RPTOR: variants seen among roughly 807,000 people sequenced by gnomAD.
RPTOR encodes the protein regulatory associated protein of MTOR complex 1.
A neutral mutation model predicts 169.9 loss-of-function variants in RPTOR; 21 were observed. The ratio of observed to expected loss-of-function variants is 0.12; its 90% CI spans 0.09 to 0.18. The LOEUF (loss-of-function observed/expected upper bound fraction) is 0.18. Ranked by LOEUF, RPTOR falls within the 10% of genes least tolerant of loss-of-function variation. The pLI is 1.00. For synonymous variants in RPTOR, 732 were observed against 753.2 expected, an observed-to-expected ratio of 0.97 and a Z score of 0.46; for missense variants, 1,133 against 1,855.9, an observed-to-expected ratio of 0.61 and a Z score of 7.16.
chr17:80,874,680 G>A (rs555126218), intron 13 of RPTOR, among the ~76,000 whole-genome samples: 4 of 152,000 alleles, frequency 2.6e-5, no homozygotes, highest in Non-Finnish European at 4.4e-5. Context: ...TCCCTGCTTC[G>A]GTATCATTTC....
intron 4 of RPTOR, among the ~76,000 whole-genome samples, chr17:80,712,528 C>G (rs1006694530): frequency 3.9e-5 from 6 of 152,208 alleles, no homozygotes; most frequent in African/African-American, 9.7e-5. Context: ...CTGAGCAATA[C>G]TCTACTGTGT....
intron 5 of RPTOR, among the ~76,000 whole-genome samples, chr17:80,732,652 A>G (rs1292162797): frequency 1.3e-5 from 2 of 152,256 alleles, no homozygotes; most frequent in South Asian, 2.1e-4. Context: ...ATTACAATGT[A>G]GATCAGTCTT....
At chr17:80,922,100 G>A (rs1227102085) in intron 21 of RPTOR, among the ~76,000 whole-genome samples, 1 of 152,240 alleles carries the variant, frequency 6.6e-6, no homozygotes, top group Non-Finnish European at 1.5e-5. Flanking sequence ...ACACGGGGGT[G>A]TAAACAGTGG....
chr17:80,743,374 A>C (rs2066504201), intron 5 of RPTOR: 1 of 985,404 alleles, frequency 1.0e-6, no homozygotes, highest in African/African-American at 1.7e-5. Flanking sequence ...GGAGGCCTGA[A>C]GGAGATGTCT....
Position 80,823,129 on chromosome 17 carries a change from C to A in RPTOR, c.1042C>A (p.Arg348=), listed in dbSNP as rs2143618098. ...RQDLLVASLF[R]NFLLAERIMR... ...GGACTTGCTGGTGGCTAGTCTGTTT[C>A]GAAATTTTTTATTGGCGGAAAGGAT... The change falls in exon 9 of 34, where the codon CGA becomes AGA. Residue 348 remains arginine, a synonymous_variant. Transcript: ENST00000306801. The surrounding 1 kb of genome is among the most constrained non-coding windows in gnomAD (Gnocchi z 4.5). 6.2e-7 allele frequency: 1 copy of A among 1,614,128 alleles called. No homozygotes were observed. Among genetic ancestry groups the A allele is most frequent in the Non-Finnish European group, 8.5e-7 (1 of 1,180,022 alleles).
At chr17:80,741,288 G>A (rs964332292) in intron 5 of RPTOR, among the ~76,000 whole-genome samples, 22 of 152,096 alleles carry the variant, frequency 1.4e-4, no homozygotes, top group Non-Finnish European at 1.2e-4. Context: ...GGGGCCTTCC[G>A]AGTGGAGGGT....
intron 7 of RPTOR, chr17:80,805,071 T>C (rs2067204916): frequency 6.6e-6 from 1 of 152,046 alleles, no homozygotes; most frequent in Non-Finnish European, 1.5e-5. Context: ...TTTCCTAGGG[T>C]GTTTTAACAA....
chr17:80,922,661 G>A (rs977410055), intron 21 of RPTOR, 63 bp from the exon 22 acceptor site: 95 of 1,340,702 alleles, frequency 7.1e-5, no homozygotes, highest in Non-Finnish European at 9.3e-5. Flanking sequence ...CCTCTGCTTC[G>A]TGTGGCGGCC....
At chr17:80,690,342 T>TACACACACAC (rs56006985) in intron 3 of RPTOR, among the ~76,000 whole-genome samples, 6 of 145,432 alleles carry the variant, frequency 4.1e-5, no homozygotes, top group African/African-American at 8.4e-5. Context: ...CACACACACA[T>TACACACACAC]ACACACACAC....
At chr17:80,667,433 G>A (rs1287211646) in intron 3 of RPTOR, among the ~76,000 whole-genome samples, 1 of 152,186 alleles carries the variant, frequency 6.6e-6, no homozygotes, top group Non-Finnish European at 1.5e-5. Flanking sequence ...TACAGAATAA[G>A]GACTTGATCG....
rs377647156 is a variant in RPTOR, at chr17:80,754,102, C to T, written c.747C>T (p.Thr249=). ...TCCAGCTGGCAGCCTGCGAGGCCACCGAGCTGCTGCCCATGATCCCCGACC... is the reference window on the plus strand; with the variant it reads ...TCCAGCTGGCAGCCTGCGAGGCCACTGAGCTGCTGCCCATGATCCCCGACC... The part of the protein sequence containing the change: ...NCIQLAACEA[T]ELLPMIPDLP... Residue 249 remains threonine, a synonymous_variant, in exon 6 of 34, where the codon ACC becomes ACT. Transcript: ENST00000306801. The surrounding 1 kb of genome is among the most constrained non-coding windows in gnomAD (Gnocchi z 4.2). The T allele has an allele frequency of 1.4e-4, 223 of 1,614,010 alleles. No individual in the cohort carries two copies. Among genetic ancestry groups the T allele is most frequent in the South Asian group, 1.0e-3 (94 of 91,070 alleles).
intron 7 of RPTOR, among the ~76,000 whole-genome samples, chr17:80,810,741 A>G (rs2067264645): frequency 6.6e-6 from 1 of 152,230 alleles, no homozygotes; most frequent in Non-Finnish European, 1.5e-5. Flanking sequence ...TCCTAGTAAT[A>G]TGGAGTCTTC....
chr17:80,899,541 A>G (rs1234510161), intron 20 of RPTOR, among the ~76,000 whole-genome samples: 1 of 152,230 alleles, frequency 6.6e-6, no homozygotes, highest in African/African-American at 2.4e-5. Context: ...CCTCTGCCCC[A>G]GTTCACGCTC....
chr17:80,647,757 T>C (rs2065608116), intron 3 of RPTOR, among the ~76,000 whole-genome samples: 1 of 152,144 alleles, frequency 6.6e-6, no homozygotes, highest in African/African-American at 2.4e-5. Context: ...AGCCACGTTG[T>C]TGTAGGAGCT....
At chr17:80,635,869 T>G (rs1956759176) in intron 2 of RPTOR, among the ~76,000 whole-genome samples, 3 of 151,996 alleles carry the variant, frequency 2.0e-5, no homozygotes, top group Admixed American at 6.6e-5. Flanking sequence ...AGTGGGGTAC[T>G]AGTGTTGGGG....
At chr17:80,691,835 G>A (rs927931785) in intron 3 of RPTOR, among the ~76,000 whole-genome samples, 35 of 152,234 alleles carry the variant, frequency 2.3e-4, no homozygotes, top group Non-Finnish European at 4.7e-4. Context: ...ATACGAAGGC[G>A]CTCTTACACA....
chr17:80,690,181 A>C (rs2065978738), intron 3 of RPTOR, among the ~76,000 whole-genome samples: 1 of 152,028 alleles, frequency 6.6e-6, no homozygotes, highest in Non-Finnish European at 1.5e-5. Flanking sequence ...TGCCAGTTCC[A>C]GTCTCCTTTC....
intron 6 of RPTOR, among the ~76,000 whole-genome samples, chr17:80,782,010 C>T (rs1429649166): frequency 6.6e-6 from 1 of 152,242 alleles, no homozygotes; most frequent in Admixed American, 6.5e-5. Flanking sequence ...TTGTCCCTGT[C>T]ACGGGGATTG....
chr17:80,634,461 AGT>A (rs2065477036), intron 2 of RPTOR, among the ~76,000 whole-genome samples: 1 of 111,808 alleles, frequency 8.9e-6, no homozygotes, highest in South Asian at 3.0e-4. Context: ...GTGTGTGCAT[AGT>A]GTGTGCGTGT....
Sources: allele counts gnomAD v4.1 joint callset (sites outside exome capture counted in the v4.1 genomes callset), GRCh38; gene constraint gnomAD v4.1.1; non-coding constraint Gnocchi (gnomAD v3.1); transcripts MANE v1.5; gene names NCBI Gene and HGNC (gene_info 2026-07-23, HGNC 2026-07-21).